The following MID1 variants were observed in gnomAD, a reference collection of about 807,000 sequenced individuals.
The protein encoded by MID1 is midline 1.
MID1 carries 7 observed loss-of-function variants against 40.4 expected under a neutral mutation model. That is an observed-to-expected ratio of 0.17 (90% CI 0.10 to 0.33). The LOEUF (loss-of-function observed/expected upper bound fraction) is 0.33. Ranked by LOEUF, MID1 falls within the 10% of genes least tolerant of loss-of-function variation. MID1 has a pLI of 1.00. For missense variants in MID1, 367 were observed against 558.5 expected (o/e 0.66, Z 3.46); for synonymous variants, 229 against 221.2 (o/e 1.04, Z -0.31).
At chrX:10,757,746 A>C (rs933191766) in intron 1 of MID1, among the ~76,000 whole-genome samples, 2 of 111,408 alleles carry the variant, frequency 1.8e-5, no homozygotes, top group African/African-American at 3.3e-5. Context: ...ATGGAACTCT[A>C]TCGAAATAAA....
intron 1 of MID1, among the ~76,000 whole-genome samples, chrX:10,597,216 T>G (rs187408434): frequency 1.8e-5 from 2 of 111,838 alleles, no homozygotes; most frequent in Non-Finnish European, 3.8e-5. Context: ...ATTCCACAGG[T>G]TGATCTTTCT....
rs752145109 is a variant in MID1, at chrX:10,513,102, T to C, written c.756+9990A>G. ...TAGAACAAAGCTCTTCATTTTTTCC[T>C]ACAACATTTAATTTAGCAAATTAAA... On this transcript the variant is annotated intron_variant, in intron 3 of 9. Transcript: ENST00000317552. Among the ~76,000 whole-genome samples, 583 of 112,707 alleles carry C rather than the reference T, an allele frequency of 5.2e-3. 3 individuals are homozygous for C. The highest frequency in any genetic ancestry group is 7.6e-3 in the Non-Finnish European group (408 of 53,353).
chrX:10,581,609 AT>A (rs1427633843), intron 1 of MID1, among the ~76,000 whole-genome samples: 4 of 111,942 alleles, frequency 3.6e-5, no homozygotes, highest in Non-Finnish European at 7.5e-5. Context: ...TAAATTCATT[AT>A]CTGTGTTTTT....
At chrX:10,467,509 T>C (rs957914558) in intron 7 of MID1, among the ~76,000 whole-genome samples, 2 of 112,083 alleles carry the variant, frequency 1.8e-5, no homozygotes, top group Non-Finnish European at 3.8e-5. Flanking sequence ...CCTTTCCATC[T>C]CTGATGCTGG....
rs193165236 is a variant in MID1 at position 10,631,135 on chromosome X, G to A, written c.-186-10716C>T. ...TAATTTATTATTCCCAATCAATGCAGTATAGCACTGTGGCTGGCAGCACTG... is the reference window on the plus strand; with the variant it reads ...TAATTTATTATTCCCAATCAATGCAATATAGCACTGTGGCTGGCAGCACTG... On this transcript the variant is annotated intron_variant, in intron 1 of 10. Transcript: ENST00000380785. Among the ~76,000 whole-genome samples the A allele has an allele frequency of 3.6e-3, 403 of 111,961 alleles. 5 individuals are homozygous for A. The highest frequency in any genetic ancestry group is 0.013 in the African/African-American group (386 of 30,826).
chrX:10,771,588 T>C (rs984751585), intron 1 of MID1, among the ~76,000 whole-genome samples: 1 of 108,166 alleles, frequency 9.2e-6, no homozygotes, highest in African/African-American at 3.4e-5. Flanking sequence ...ACCTCCCAGG[T>C]TCAAGCAATT....
intron 1 of MID1, among the ~76,000 whole-genome samples, chrX:10,568,015 T>C (rs1435993463): frequency 8.9e-6 from 1 of 111,768 alleles, no homozygotes; most frequent in African/African-American, 3.3e-5. Flanking sequence ...TTTTATAAAT[T>C]TGAATTTATA....
intron 1 of MID1, among the ~76,000 whole-genome samples, chrX:10,640,641 A>C (rs1464701289): frequency 1.8e-5 from 2 of 111,428 alleles, no homozygotes; most frequent in African/African-American, 3.3e-5. Flanking sequence ...CCAGGAATTG[A>C]ACTCAGCTCT....
At position 10,474,619 on chromosome X, in the gene MID1, A is replaced by G. The variant is rs1194984693; in HGVS notation, c.1141+4T>C. 8.3e-7 allele frequency: 1 copy of G among 1,209,214 alleles called. No individual in the cohort carries two copies. Among genetic ancestry groups the G allele is most frequent in the Non-Finnish European group, 1.1e-6 (1 of 893,533 alleles). ...AATATTAAAGAGAACATAAAAGACAATACCTGTAAGGTAATCCAGACATTC... is the reference window on the plus strand; with the variant it reads ...AATATTAAAGAGAACATAAAAGACAGTACCTGTAAGGTAATCCAGACATTC... On this transcript the variant is annotated splice_donor_region_variant and intron_variant, in intron 6 of 9. Transcript: ENST00000317552.
chrX:10,482,945 C>T (rs1185316210), intron 4 of MID1, among the ~76,000 whole-genome samples: 1 of 112,327 alleles, frequency 8.9e-6, no homozygotes, highest in African/African-American at 3.2e-5. Flanking sequence ...TGGACTATTC[C>T]ACACAATGAC....
At chrX:10,715,414 G>A (rs185979275) in intron 1 of MID1, among the ~76,000 whole-genome samples, 15 of 112,287 alleles carry the variant, frequency 1.3e-4, no homozygotes, top group East Asian at 8.4e-4. Context: ...TGCCTGGCTC[G>A]GAGGGTCCTA....
intron 1 of MID1, among the ~76,000 whole-genome samples, chrX:10,766,459 G>A (rs1006419586): frequency 3.6e-5 from 4 of 112,046 alleles, no homozygotes; most frequent in African/African-American, 1.3e-4. Context: ...AATGTTCCAT[G>A]CAGACACAGA....
At chrX:10,703,908 A>G (rs533795789) in intron 1 of MID1, among the ~76,000 whole-genome samples, 1 of 112,411 alleles carries the variant, frequency 8.9e-6, no homozygotes, top group South Asian at 3.7e-4. Context: ...ATCAACACAT[A>G]CTGACTAATG....
chrX:10,498,103 G>A (rs1253185495), intron 3 of MID1, among the ~76,000 whole-genome samples: 2 of 111,183 alleles, frequency 1.8e-5, no homozygotes, highest in African/African-American at 6.6e-5. Context: ...GAGGAAGGGA[G>A]TTGATTTTTT....
chrX:10,454,834 T>TTTATAACTGCAGGACAATAGAA (rs762162967), intron 9 of MID1, 36 bp downstream of exon 9: 8 of 1,131,962 alleles, frequency 7.1e-6, no homozygotes, highest in Non-Finnish European at 9.7e-6. Flanking sequence ...GATGTGCCTT[T>TTTATAACTGCAGGACAATAGAA]TTATAACTGC....
intron 1 of MID1, among the ~76,000 whole-genome samples, chrX:10,774,107 T>A (rs1343417531): frequency 9.0e-6 from 1 of 111,007 alleles, no homozygotes; most frequent in African/African-American, 3.3e-5. Flanking sequence ...TTTGAGGAGA[T>A]CTTAAGTTTC....
chrX:10,621,729 C>T (rs911396255), upstream of MID1, among the ~76,000 whole-genome samples: 1 of 109,873 alleles, frequency 9.1e-6, no homozygotes, highest in Admixed American at 9.8e-5. Context: ...AAGCCCATAA[C>T]GCTAGCCCCC....
At chrX:10,582,285 T>C (rs1935036335) in intron 1 of MID1, among the ~76,000 whole-genome samples, 1 of 111,400 alleles carries the variant, frequency 9.0e-6, no homozygotes, top group African/African-American at 3.3e-5. Context: ...CAAACCTGCC[T>C]TCTCCCCTGG....
chrX:10,553,823 A>G (rs1205612063), intron 2 of MID1, among the ~76,000 whole-genome samples: 1 of 112,088 alleles, frequency 8.9e-6, no homozygotes. Flanking sequence ...CACCACTTCA[A>G]AGGGAACTTC....
Sources: allele counts gnomAD v4.1 joint callset (sites outside exome capture counted in the v4.1 genomes callset), GRCh38; gene constraint gnomAD v4.1.1; transcripts MANE v1.5; gene names NCBI Gene and HGNC (gene_info 2026-07-23, HGNC 2026-07-21).